Variants in DCLK3 observed in about 807,000 individuals in gnomAD.
DCLK3 encodes the protein doublecortin like kinase 3, also known as serine/threonine-protein kinase DCLK3.
Under a neutral mutation model 46.4 loss-of-function variants are expected in DCLK3, and 30 were observed. The observed-to-expected ratio is 0.65, with a 90% CI of 0.48 to 0.88. The LOEUF is 0.88. DCLK3 is among the 40% of genes least tolerant of loss of function. The pLI is 0.00. For synonymous variants in DCLK3, 401 were observed against 339.2 expected, an observed-to-expected ratio of 1.18 and a Z score of -2.00; for missense variants, 846 against 907.1, an observed-to-expected ratio of 0.93 and a Z score of 0.87.
In DCLK3 at chr3:36,734,016, C is replaced by T. The variant is rs550386174; in HGVS notation, c.1959+3192G>A. On this transcript the variant is annotated intron_variant, in intron 2 of 4. Coordinates refer to ENST00000636136, the MANE Select transcript of DCLK3 (RefSeq NM_001394672.2). The stretch of plus-strand genomic sequence containing the variant: ...GGTCTTAATGGACACAGCAGCCATC[C>T]ATTAAAGGAAGAAACAATTAGTTTG... Among the ~76,000 whole-genome samples, 5 of 152,224 alleles carry T rather than the reference C, an allele frequency of 3.3e-5. No homozygotes were observed. The East Asian group carries it at 5.8e-4, about 18-fold the overall frequency.
chr3:36,730,199 C>T lies in DCLK3; in HGVS notation c.1959+7009G>A, dbSNP rs1350942248. On this transcript the variant is annotated intron_variant, in intron 2 of 4. Transcript: ENST00000636136. Reference sequence around the variant, plus strand: ...TATGTACATACACCATATATACACACACACACACACACACACACACACACA... The same window carrying T: ...TATGTACATACACCATATATACACATACACACACACACACACACACACACA... 4.0e-4 allele frequency among the ~76,000 whole-genome samples: 22 copies of T among 55,154 alleles called. No individual in the cohort carries two copies. In the East Asian group the frequency reaches 5.6e-3, roughly 14 times the overall value. The allele number at this position is 55,154 out of a possible 152,430, so 36.2% of individuals were successfully genotyped here. A position where few individuals can be genotyped will look rare whatever the true frequency, so the allele number is the denominator to read the frequency against.
intron 4 of DCLK3, 99 bp downstream of exon 4, chr3:36,717,911 C>A (rs1436389604): frequency 2.0e-6 from 3 of 1,464,124 alleles, no homozygotes; most frequent in Non-Finnish European, 2.8e-6. Flanking sequence ...GACATGTTGA[C>A]AGTCCAACTC....
At chr3:36,723,203 T>G (rs916678607) in intron 2 of DCLK3, among the ~76,000 whole-genome samples, 1 of 152,172 alleles carries the variant, frequency 6.6e-6, no homozygotes, top group African/African-American at 2.4e-5. Context: ...TATGGAACTT[T>G]GAACTTGAGA....
chr3:36,762,022 A>G (rs935958666), intron 1 of DCLK3, among the ~76,000 whole-genome samples: 1 of 152,204 alleles, frequency 6.6e-6, no homozygotes, highest in Non-Finnish European at 1.5e-5. Context: ...GAAGCCAGAA[A>G]TGAGATCCTG....
At chr3:36,760,189 C>A (rs1006069830) in intron 1 of DCLK3, among the ~76,000 whole-genome samples, 17 of 152,156 alleles carry the variant, frequency 1.1e-4, no homozygotes, top group African/African-American at 3.9e-4. Flanking sequence ...GCCTAGGAGG[C>A]CTGAACCCTC....
chr3:36,727,183 G>A (rs1266356580), intron 2 of DCLK3, among the ~76,000 whole-genome samples: 1 of 152,170 alleles, frequency 6.6e-6, no homozygotes, highest in Non-Finnish European at 1.5e-5. Context: ...CAGCTACTCA[G>A]GAGGCTGAGG....
In DCLK3 at chr3:36,714,539, ATG is replaced by A. The variant is rs1317098319; in HGVS notation, c.*787_*788del. The stretch of plus-strand genomic sequence containing the variant: ...CATTTACTGCATTTCTGACATATTA[ATG>A]TACTAAATGGCTCCCTCGTGATCTG... On this transcript the variant is annotated 3_prime_UTR_variant, in exon 5 of 5. Transcript: ENST00000636136. 1.3e-5 allele frequency: 2 copies of A among 152,208 alleles called. No homozygotes were observed. The highest frequency in any genetic ancestry group is 2.4e-5 in the African/African-American group (1 of 41,452). 9.4% of individuals were successfully genotyped at this position (152,208 alleles called of 1,614,324 possible).
At chr3:36,759,613 C>T (rs1701520776) in intron 1 of DCLK3, among the ~76,000 whole-genome samples, 1 of 152,226 alleles carries the variant, frequency 6.6e-6, no homozygotes, top group Non-Finnish European at 1.5e-5. Flanking sequence ...GCTCCCTGAT[C>T]AAGTCCTCCC....
intron 2 of DCLK3, among the ~76,000 whole-genome samples, chr3:36,724,296 G>A (rs1352613483): frequency 6.6e-6 from 1 of 152,242 alleles, no homozygotes; most frequent in Non-Finnish European, 1.5e-5. Flanking sequence ...CTCACAGGAG[G>A]AAGGGACTTT....
At chr3:36,747,629 T>G (rs572497603) in intron 1 of DCLK3, among the ~76,000 whole-genome samples, 187 of 152,256 alleles carry the variant, frequency 1.2e-3, no homozygotes, top group African/African-American at 4.1e-3. Flanking sequence ...ACAAGGCAAG[T>G]GAAAGGAACA....
At chr3:36,748,293 C>G (rs1559393684) in intron 1 of DCLK3, among the ~76,000 whole-genome samples, 3 of 152,172 alleles carry the variant, frequency 2.0e-5, no homozygotes, top group Admixed American at 6.5e-5. Flanking sequence ...GGCCTCTCCC[C>G]CTGTGCTCCC....
At chr3:36,723,127 G>A (rs1392605025) in intron 2 of DCLK3, among the ~76,000 whole-genome samples, 2 of 152,166 alleles carry the variant, frequency 1.3e-5, no homozygotes, top group African/African-American at 2.4e-5. Flanking sequence ...TTGGGAACTG[G>A]GACAAAGGTG....
chr3:36,753,278 C>A (rs543440658), intron 1 of DCLK3, among the ~76,000 whole-genome samples: 83 of 152,262 alleles, frequency 5.5e-4, no homozygotes, highest in African/African-American at 2.0e-3. Context: ...AGTCCCACTC[C>A]CTCCTCCCAA....
At chr3:36,740,150 T>C (rs1372565236) in intron 1 of DCLK3, among the ~76,000 whole-genome samples, 1 of 146,304 alleles carries the variant, frequency 6.8e-6, no homozygotes, top group Non-Finnish European at 1.5e-5. Flanking sequence ...TTTTCATTTA[T>C]AAAGTAAGAA....
In DCLK3 at chr3:36,712,640, C is replaced by T. The variant is rs1014805805; in HGVS notation, c.*2688G>A. ...CCATCTCCAGCAAACCCCCTGATCA[C>T]TTTCTGTCACTATAGATTCACTTGT... On this transcript the variant is annotated 3_prime_UTR_variant, in exon 5 of 5. Transcript: ENST00000636136. The T allele has an allele frequency of 1.2e-4, 19 of 152,168 alleles. No individual in the cohort carries two copies. Among genetic ancestry groups the T allele is most frequent in the African/African-American group, 4.3e-4 (18 of 41,428 alleles). The allele number at this position is 152,168 out of a possible 1,614,324, so 9.4% of individuals were successfully genotyped here. A position where few individuals can be genotyped will look rare whatever the true frequency, so the allele number is the denominator to read the frequency against.
In DCLK3 at chr3:36,738,552, A is replaced by AGAAGGG; in HGVS notation, c.609_614dup (p.Ser205_Pro206dup). 1 of 1,498,266 alleles carries AGAAGGG rather than the reference A, an allele frequency of 6.7e-7. No individual in the cohort carries two copies. Among genetic ancestry groups the AGAAGGG allele is most frequent in the Non-Finnish European group, 8.9e-7 (1 of 1,123,396 alleles). The allele number at this position is 1,498,266 out of a possible 1,614,324, so 92.8% of individuals were successfully genotyped here. A position where few individuals can be genotyped will look rare whatever the true frequency, so the allele number is the denominator to read the frequency against. On this transcript the variant is annotated inframe_insertion, in exon 2 of 5. Coordinates refer to ENST00000636136, the MANE Select transcript of DCLK3 (RefSeq NM_001394672.2). ...TAAACAGCCTGCTCCTCAGCCTTGGAGAAGGGGCACGGCTGTGCTGGGCCA... is the reference window on the plus strand; with the variant it reads ...TAAACAGCCTGCTCCTCAGCCTTGGAGAAGGGGAAGGGGCACGGCTGTGCTGGGCCA...
At chr3:36,762,566 G>T (rs1701549332) in intron 1 of DCLK3, among the ~76,000 whole-genome samples, 1 of 152,182 alleles carries the variant, frequency 6.6e-6, no homozygotes, top group South Asian at 2.1e-4. Context: ...AAAGAAGCTG[G>T]ACTATTTATA....
Position 36,728,168 on chromosome 3 carries a change from T to C in DCLK3, c.1960-6509A>G, listed in dbSNP as rs1401035332. On this transcript the variant is annotated intron_variant, in intron 2 of 4. Transcript: ENST00000636136. ...ACCCCTATGTTGATTCAGAATTCCT[T>C]TCCCACTCCTGTTTTCTAAATCTGC... Among the ~76,000 whole-genome samples, 11 of 152,196 alleles carry C rather than the reference T, an allele frequency of 7.2e-5. No homozygotes were observed. In the East Asian group the frequency reaches 2.1e-3, roughly 29 times the overall value.
Position 36,722,306 on chromosome 3 carries a change from T to C in DCLK3, c.1960-647A>G, listed in dbSNP as rs1350207226. Among the ~76,000 whole-genome samples, 6 of 152,194 alleles carry C rather than the reference T, an allele frequency of 3.9e-5. No individual in the cohort carries two copies. The East Asian group carries it at 9.6e-4, about 24-fold the overall frequency. Reference sequence around the variant, plus strand: ...ATTTGATAGAAAAACAGGGTGACTATAGTCAATGATAATTCAATTGTACAT... The same window carrying C: ...ATTTGATAGAAAAACAGGGTGACTACAGTCAATGATAATTCAATTGTACAT... On this transcript the variant is annotated intron_variant, in intron 2 of 4. Transcript: ENST00000636136.
Sources: gnomAD v4.1 joint callset for allele counts (sites outside exome capture counted in the v4.1 genomes callset) on GRCh38, gnomAD v4.1.1 for gene constraint, MANE v1.5 for transcripts, NCBI Gene and HGNC (gene_info 2026-07-23, HGNC 2026-07-21) for gene names.